The following PTPRQ variants were observed in gnomAD, a reference collection of about 807,000 sequenced individuals.
PTPRQ encodes the protein protein tyrosine phosphatase receptor type Q, also known as phosphatidylinositol phosphatase PTPRQ.
PTPRQ carries 199 observed loss-of-function variants against 246.0 expected under a neutral mutation model. The ratio of observed to expected loss-of-function variants is 0.81; its 90% CI spans 0.72 to 0.91. PTPRQ has a LOEUF of 0.91. Ranked by LOEUF, PTPRQ falls within the 40% of genes least tolerant of loss-of-function variation. The probability of loss-of-function intolerance (pLI) is 0.00; values close to 1 mark genes in which losing one functional copy is unlikely to be tolerated. For missense variants in PTPRQ, 2,624 were observed against 2,528.4 expected (o/e 1.04, Z -0.81); for synonymous variants, 869 against 853.2 (o/e 1.02, Z -0.32).
chr12:80,485,384 C>T (rs1894240728), intron 9 of PTPRQ, among the ~76,000 whole-genome samples: 1 of 152,158 alleles, frequency 6.6e-6, no homozygotes, highest in African/African-American at 2.4e-5. Flanking sequence ...GTGCAGCAAT[C>T]ACTGGGCCTT....
chr12:80,658,583 A>T (rs1900523228), intron 39 of PTPRQ, among the ~76,000 whole-genome samples: 1 of 152,008 alleles, frequency 6.6e-6, no homozygotes, highest in South Asian at 2.1e-4. Context: ...CTTGAATTTG[A>T]CCATTCACCT....
At chr12:80,518,286 T>A (rs1483407480) in intron 17 of PTPRQ, among the ~76,000 whole-genome samples, 1 of 152,172 alleles carries the variant, frequency 6.6e-6, no homozygotes, top group African/African-American at 2.4e-5. Flanking sequence ...TGTTATCTTT[T>A]GAGAAATGTC....
intron 27 of PTPRQ, among the ~76,000 whole-genome samples, chr12:80,607,108 A>G (rs1381941659): frequency 6.6e-6 from 1 of 150,934 alleles, no homozygotes; most frequent in Non-Finnish European, 1.5e-5. Context: ...TACAAGTTAC[A>G]TGTTCATCTC....
chr12:80,475,846 T>A (rs1263745023), intron 8 of PTPRQ, among the ~76,000 whole-genome samples: 1 of 151,970 alleles, frequency 6.6e-6, no homozygotes, highest in African/African-American at 2.4e-5. Flanking sequence ...AATTAAAAGA[T>A]AAAAAATAGT....
At chr12:80,451,364 G>C (rs564977218) in intron 3 of PTPRQ, among the ~76,000 whole-genome samples, 1 of 105,252 alleles carries the variant, frequency 9.5e-6, no homozygotes, top group East Asian at 2.6e-4. Flanking sequence ...AGGGTTTTTT[G>C]TGTCTCTATG....
chr12:80,468,660 G>T (rs529499242), intron 6 of PTPRQ, 50 bp from the exon 7 acceptor site: 2 of 1,443,608 alleles, frequency 1.4e-6, no homozygotes, highest in Admixed American at 2.8e-5. Context: ...AATAGGGTGC[G>T]CTTTCATTTT....
intron 34 of PTPRQ, among the ~76,000 whole-genome samples, chr12:80,633,087 G>A (rs537513250): frequency 6.6e-6 from 1 of 152,220 alleles, no homozygotes; most frequent in African/African-American, 2.4e-5. Context: ...GCTGGCAAAG[G>A]AGAAATGCAG....
chr12:80,643,625 A>AGAATGCAGAAGGATGTGAAG (rs1899970409), intron 35 of PTPRQ, among the ~76,000 whole-genome samples: 1 of 152,184 alleles, frequency 6.6e-6, no homozygotes, highest in African/African-American at 2.4e-5. Context: ...AGGATGTGAA[A>AGAATGCAGAAGGATGTGAAG]GAATGCAGAA....
intron 39 of PTPRQ, among the ~76,000 whole-genome samples, chr12:80,662,880 A>T (rs1043939814): frequency 1.3e-5 from 2 of 152,018 alleles, no homozygotes; most frequent in South Asian, 2.1e-4. Flanking sequence ...TCTCAGAAAA[A>T]CTCAAAAGTT....
chr12:80,566,449 G>C (rs544836677), intron 25 of PTPRQ, among the ~76,000 whole-genome samples: 40 of 152,202 alleles, frequency 2.6e-4, no homozygotes, highest in Non-Finnish European at 5.1e-4. Flanking sequence ...GTGCACTCCA[G>C]CCTGGGGGAC....
chr12:80,667,149 A>C (rs144897854), intron 39 of PTPRQ, among the ~76,000 whole-genome samples: 5 of 151,664 alleles, frequency 3.3e-5, no homozygotes, highest in African/African-American at 1.2e-4. Flanking sequence ...CATTTACTCT[A>C]CTCCAGGCAC....
intron 26 of PTPRQ, among the ~76,000 whole-genome samples, chr12:80,601,048 C>T (rs1182677821): frequency 6.6e-6 from 1 of 151,674 alleles, no homozygotes; most frequent in Non-Finnish European, 1.5e-5. Flanking sequence ...CCCTTACCTC[C>T]TTCAAATATT....
intron 14 of PTPRQ, among the ~76,000 whole-genome samples, chr12:80,503,031 C>T (rs1356934416): frequency 1.3e-5 from 2 of 151,574 alleles, no homozygotes; most frequent in African/African-American, 4.8e-5. Context: ...AGGGGTAGCA[C>T]GTGATGGTAT....
chr12:80,640,578 C>G (rs1899820925), intron 35 of PTPRQ, among the ~76,000 whole-genome samples: 1 of 152,130 alleles, frequency 6.6e-6, no homozygotes, highest in Non-Finnish European at 1.5e-5. Context: ...CTTGCAGATA[C>G]TCTTCATTTT....
intron 35 of PTPRQ, among the ~76,000 whole-genome samples, chr12:80,646,967 C>T (rs1900096954): frequency 6.6e-6 from 1 of 152,118 alleles, no homozygotes; most frequent in Non-Finnish European, 1.5e-5. Context: ...ATTTCTTGCT[C>T]ACTTTTCTTT....
At chr12:80,463,816 C>A (rs1279052802) in intron 6 of PTPRQ, among the ~76,000 whole-genome samples, 1 of 150,902 alleles carries the variant, frequency 6.6e-6, no homozygotes, top group Non-Finnish European at 1.5e-5. Context: ...CAAGCAAATG[C>A]TGAGAGATTT....
At chr12:80,597,541 G>T (rs1283511772) in intron 26 of PTPRQ, among the ~76,000 whole-genome samples, 1 of 151,964 alleles carries the variant, frequency 6.6e-6, no homozygotes, top group African/African-American at 2.4e-5. Context: ...TTGATTACCA[G>T]CTCCCAAACT....
At chr12:80,569,293 A>G (rs767723081) in intron 25 of PTPRQ, among the ~76,000 whole-genome samples, 1 of 147,094 alleles carries the variant, frequency 6.8e-6, no homozygotes, top group Non-Finnish European at 1.5e-5. Context: ...ACGTGAACTC[A>G]TCATTTTTTA....
intron 25 of PTPRQ, among the ~76,000 whole-genome samples, chr12:80,582,060 C>T (rs964315030): frequency 6.6e-6 from 1 of 152,186 alleles, no homozygotes; most frequent in Non-Finnish European, 1.5e-5. Flanking sequence ...TTTACTCACA[C>T]ATATGTGTGG....
Sources: gnomAD v4.1 joint callset for allele counts (sites outside exome capture counted in the v4.1 genomes callset) on GRCh38, gnomAD v4.1.1 for gene constraint, MANE v1.5 for transcripts, NCBI Gene and HGNC (gene_info 2026-07-23, HGNC 2026-07-21) for gene names.